The following CASD1 variants were observed in gnomAD, a reference collection of about 807,000 sequenced individuals.
The protein encoded by CASD1 is CAS1 domain sialic acid O acetyltransferase 1, also known as N-acetylneuraminate (7)9-O-acetyltransferase.
CASD1 carries 41 observed loss-of-function variants against 100.0 expected under a neutral mutation model. That is an observed-to-expected ratio of 0.41 (90% CI 0.32 to 0.53). The LOEUF (loss-of-function observed/expected upper bound fraction) is 0.53, where lower values mean the gene tolerates loss of function less well. Among genes scored for constraint, CASD1 ranks in the 20% least tolerant of loss-of-function variants. CASD1 has a pLI of 0.25. For missense variants in CASD1, 774 were observed against 948.7 expected, an observed-to-expected ratio of 0.82 and a Z score of 2.42; for synonymous variants, 321 against 315.6, an observed-to-expected ratio of 1.02 and a Z score of -0.18.
chr7:94,623,540 C>A, the CASD1 span: 1 of 627,956 alleles, frequency 1.6e-6, no homozygotes, highest in Non-Finnish European at 2.8e-6. Context: ...CTTCTCTGGG[C>A]AATGAGAACT....
At chr7:94,553,363 G>T (rs1304384165) in intron 16 of CASD1, among the ~76,000 whole-genome samples, 1 of 152,082 alleles carries the variant, frequency 6.6e-6, no homozygotes, top group African/African-American at 2.4e-5. Context: ...CAAAAGACTA[G>T]ATTTAAACTT....
In CASD1 at chr7:94,555,799, T is replaced by C; in HGVS notation, c.*41T>C. The C allele has an allele frequency of 6.4e-7, 1 of 1,565,246 alleles. No individual in the cohort carries two copies. Among genetic ancestry groups the C allele is most frequent in the Non-Finnish European group, 8.7e-7 (1 of 1,154,186 alleles). On this transcript the variant is annotated 3_prime_UTR_variant, in exon 18 of 18. Transcript: ENST00000297273. The stretch of plus-strand genomic sequence containing the variant: ...AAAAACCTAAACTCTTCAGGCTACC[T>C]TTGTGTGTCTCTAGAAGAGAAAAGC...
At chr7:94,596,443 C>T in the CASD1 span, among the ~76,000 whole-genome samples, 1 of 152,056 alleles carries the variant, frequency 6.6e-6, no homozygotes, top group South Asian at 2.1e-4. Context: ...AACTAGTTTT[C>T]TACTCTAAAA....
intron 17 of CASD1, among the ~76,000 whole-genome samples, 192 bp downstream of exon 17, chr7:94,554,767 G>T (rs1442998843): frequency 6.6e-6 from 1 of 152,052 alleles, no homozygotes; most frequent in Non-Finnish European, 1.5e-5. Context: ...ATTTTGGAAT[G>T]TTTTTAAGCC....
At chr7:94,611,136 G>A in the CASD1 span, among the ~76,000 whole-genome samples, 5 of 152,142 alleles carry the variant, frequency 3.3e-5, no homozygotes, top group Non-Finnish European at 7.4e-5. Context: ...CCAGCAACTC[G>A]ATTCCTAGGG....
the CASD1 span, among the ~76,000 whole-genome samples, chr7:94,571,712 A>G: frequency 6.6e-6 from 1 of 152,194 alleles, no homozygotes; most frequent in Non-Finnish European, 1.5e-5. Context: ...TACAGTAAAA[A>G]GTGAGAGAAA....
At position 94,544,534 on chromosome 7, in the gene CASD1, G is replaced by A; in HGVS notation, c.1476+4G>A. The stretch of plus-strand genomic sequence containing the variant: ...TGGAATCTATAGAGTATGTCAGGTA[G>A]GAATGCACTGTTATTTCCTTTTCTT... On this transcript the variant is annotated splice_donor_region_variant and intron_variant, in intron 11 of 17. Coordinates refer to ENST00000297273, the MANE Select transcript of CASD1 (RefSeq NM_022900.5). 1 of 1,607,750 alleles carries A rather than the reference G, an allele frequency of 6.2e-7. No homozygotes were observed. Among genetic ancestry groups the A allele is most frequent in the Admixed American group, 1.7e-5 (1 of 58,768 alleles).
chr7:94,562,300 AT>A, the CASD1 span, among the ~76,000 whole-genome samples: 1 of 152,160 alleles, frequency 6.6e-6, no homozygotes, highest in Non-Finnish European at 1.5e-5. Context: ...TTATTTGGCT[AT>A]ATTTTGCCTA....
chr7:94,573,705 T>C, the CASD1 span, among the ~76,000 whole-genome samples: 1 of 151,654 alleles, frequency 6.6e-6, no homozygotes, highest in Non-Finnish European at 1.5e-5. Context: ...CTTTTCCTGT[T>C]TGGATGCCCT....
chr7:94,595,611 T>A, the CASD1 span, among the ~76,000 whole-genome samples: 4 of 152,084 alleles, frequency 2.6e-5, no homozygotes, highest in Non-Finnish European at 5.9e-5. Context: ...CACATTTTAA[T>A]CTTGAGAATT....
chr7:94,603,526 C>A, the CASD1 span: 3 of 1,405,142 alleles, frequency 2.1e-6, no homozygotes, highest in Non-Finnish European at 2.0e-6. Flanking sequence ...ACCTTAAAAG[C>A]AGGATTTAGC....
the CASD1 span, among the ~76,000 whole-genome samples, chr7:94,579,488 G>T: frequency 6.6e-6 from 1 of 152,106 alleles, no homozygotes; most frequent in South Asian, 2.1e-4. Flanking sequence ...CTTTAAAAAT[G>T]TAAGATTTAT....
chr7:94,545,635 G>A lies in CASD1; in HGVS notation c.1567G>A (p.Val523Ile), dbSNP rs1430945824. 1.2e-6 allele frequency: 2 copies of A among 1,611,594 alleles called. No individual in the cohort carries two copies. The highest frequency in any genetic ancestry group is 3.3e-4 in the Middle Eastern group (2 of 6,044). Residue 523 changes from valine to isoleucine, a missense_variant, in exon 12 of 18, where the codon GTA becomes ATA. Coordinates refer to ENST00000297273, the MANE Select transcript of CASD1 (RefSeq NM_022900.5). ...CTATTACTTTGTCCCCTTGGTCACTGTATGGTTCATGGTCATATATGTTAC... is the reference window on the plus strand; with the variant it reads ...CTATTACTTTGTCCCCTTGGTCACTATATGGTTCATGGTCATATATGTTAC... Reference protein sequence around the residue: ...QFYYFVPLVTVWFMVIYVTLA... With the variant: ...QFYYFVPLVTIWFMVIYVTLA...
At chr7:94,584,171 G>A in the CASD1 span, among the ~76,000 whole-genome samples, 4 of 152,166 alleles carry the variant, frequency 2.6e-5, no homozygotes, top group Non-Finnish European at 4.4e-5. Flanking sequence ...TTTCTCATCT[G>A]TTGTCCATGA....
the CASD1 span, chr7:94,600,338 G>T: frequency 3.0e-6 from 1 of 336,022 alleles, no homozygotes. Flanking sequence ...TGCAGTCTCT[G>T]CTCATGCAAG....
the CASD1 span, among the ~76,000 whole-genome samples, chr7:94,566,076 C>T: frequency 2.0e-5 from 3 of 152,116 alleles, no homozygotes; most frequent in African/African-American, 7.2e-5. Flanking sequence ...CCAGGGAGAG[C>T]CAGGACTTCC....
chr7:94,543,054 A>G (rs1795493175), intron 10 of CASD1, among the ~76,000 whole-genome samples: 1 of 152,210 alleles, frequency 6.6e-6, no homozygotes. Context: ...GATTTGAATA[A>G]GCAAAATGCT....
At chr7:94,625,812 G>A in the CASD1 span, 1 of 151,898 alleles carries the variant, frequency 6.6e-6, no homozygotes, top group Non-Finnish European at 1.5e-5. Context: ...CTATTGTTTT[G>A]TGGCTTTCCA....
the CASD1 span, chr7:94,629,050 T>G: frequency 3.9e-5 from 6 of 152,270 alleles, no homozygotes; most frequent in African/African-American, 1.4e-4. Context: ...ATATCAATTC[T>G]AATGCTAAAA....
Sources: gnomAD v4.1 joint callset for allele counts (sites outside exome capture counted in the v4.1 genomes callset) on GRCh38, gnomAD v4.1.1 for gene constraint, MANE v1.5 for transcripts, NCBI Gene and HGNC (gene_info 2026-07-23, HGNC 2026-07-21) for gene names.